Variants in LPP observed in about 807,000 individuals in gnomAD.
The protein encoded by LPP is lipoma-preferred partner.
LPP carries 38 observed loss-of-function variants against 60.4 expected under a neutral mutation model. The observed-to-expected ratio is 0.63, with a 90% confidence interval of 0.49 to 0.83. LPP has a LOEUF of 0.83. Among genes scored for constraint, LPP ranks in the 40% least tolerant of loss-of-function variants. The probability of loss-of-function intolerance (pLI) is 0.00; values close to 1 mark genes in which losing one functional copy is unlikely to be tolerated. For missense variants in LPP, 902 were observed against 783.6 expected (o/e 1.15, Z -1.80); for synonymous variants, 328 against 290.8 (o/e 1.13, Z -1.30).
At chr3:188,463,032 G>C (rs1799518481) in intron 4 of LPP, among the ~76,000 whole-genome samples, 1 of 152,120 alleles carries the variant, frequency 6.6e-6, no homozygotes, top group South Asian at 2.1e-4. Flanking sequence ...CTTGAACCAG[G>C]AGGCAGAGGC....
intron 2 of LPP, among the ~76,000 whole-genome samples, chr3:188,333,034 G>A (rs549453648): frequency 1.4e-4 from 21 of 152,048 alleles, no homozygotes; most frequent in East Asian, 1.9e-4. Flanking sequence ...CTTCTGGGGC[G>A]TCATTATTAC....
chr3:188,393,363 C>T (rs1780154302), intron 3 of LPP, among the ~76,000 whole-genome samples: 1 of 152,090 alleles, frequency 6.6e-6, no homozygotes, highest in Non-Finnish European at 1.5e-5. Context: ...GCCCCCAAAG[C>T]CTCCTCTACT....
At chr3:188,537,038 C>T (rs1465810962) in intron 6 of LPP, among the ~76,000 whole-genome samples, 1 of 152,212 alleles carries the variant, frequency 6.6e-6, no homozygotes, top group African/African-American at 2.4e-5. Flanking sequence ...AGCCAGGAAA[C>T]AATTTTTATA....
At chr3:188,630,923 G>A (rs148688801) in intron 7 of LPP, among the ~76,000 whole-genome samples, 14 of 152,166 alleles carry the variant, frequency 9.2e-5, no homozygotes, top group Admixed American at 2.6e-4. Flanking sequence ...TAACATGAAC[G>A]GAAAACCAAA....
chr3:188,211,814 T>C (rs1426690921), intron 1 of LPP, among the ~76,000 whole-genome samples: 1 of 147,938 alleles, frequency 6.8e-6, no homozygotes, highest in Non-Finnish European at 1.5e-5. Flanking sequence ...CGTGAGAGAC[T>C]TGGGGCTGTT....
At chr3:188,244,174 A>G (rs1577512309) in intron 2 of LPP, among the ~76,000 whole-genome samples, 2 of 152,350 alleles carry the variant, frequency 1.3e-5, no homozygotes, top group Admixed American at 6.5e-5. Context: ...CCCAGCGCAC[A>G]TACAATTGTA....
chr3:188,296,006 A>C (rs1006457006), intron 2 of LPP, among the ~76,000 whole-genome samples: 2 of 152,210 alleles, frequency 1.3e-5, no homozygotes, highest in Non-Finnish European at 2.9e-5. Context: ...CAGAGGCAGC[A>C]AGGTGTGCCT....
chr3:188,325,928 A>G (rs1363709066), intron 2 of LPP, among the ~76,000 whole-genome samples: 1 of 152,186 alleles, frequency 6.6e-6, no homozygotes, highest in Non-Finnish European at 1.5e-5. Context: ...GAATAGATCT[A>G]CATGACAAGA....
intron 2 of LPP, among the ~76,000 whole-genome samples, chr3:188,335,245 G>T (rs1761322950): frequency 6.6e-6 from 1 of 152,182 alleles, no homozygotes; most frequent in African/African-American, 2.4e-5. Context: ...ATATCATGAA[G>T]GAATGTTGAA....
intron 8 of LPP, among the ~76,000 whole-genome samples, chr3:188,753,819 G>A (rs1577352508): frequency 6.6e-6 from 1 of 151,904 alleles, no homozygotes; most frequent in African/African-American, 2.4e-5. Context: ...AAAAACAAGA[G>A]AGAGGGAAAC....
At chr3:188,404,724 A>G (rs1054468456) in intron 3 of LPP, among the ~76,000 whole-genome samples, 1 of 152,090 alleles carries the variant, frequency 6.6e-6, no homozygotes, top group African/African-American at 2.4e-5. Context: ...CTGTGTTCTG[A>G]TGCTCTTTGT....
intron 6 of LPP, among the ~76,000 whole-genome samples, chr3:188,581,439 T>G (rs1836077632): frequency 6.6e-6 from 1 of 152,204 alleles, no homozygotes; most frequent in African/African-American, 2.4e-5. Context: ...CTCTCTTGCA[T>G]TCTTAACTTG....
rs1306898170 is a variant in LPP, at chr3:188,785,456, CAT to C, written c.1410+25185_1410+25186del. Among the ~76,000 whole-genome samples, 5 of 34,364 alleles carry C rather than the reference CAT, an allele frequency of 1.5e-4. 1 individual carries two copies. The highest frequency in any genetic ancestry group is 2.3e-4 in the Non-Finnish European group (5 of 21,690). 22.5% of individuals were successfully genotyped at this position (34,364 alleles called of 152,430 possible). ...ATTCCATCATATATATATATTCCAT[CAT>C]ATATATATATTCCATCATATATATA... On this transcript the variant is annotated intron_variant, in intron 9 of 11. Transcript: ENST00000617246.
chr3:188,168,098 A>T (rs1194406710), intron 1 of LPP, among the ~76,000 whole-genome samples: 1 of 152,208 alleles, frequency 6.6e-6, no homozygotes, highest in Non-Finnish European at 1.5e-5. Flanking sequence ...AGCTGCTTAA[A>T]TTTATTTATT....
chr3:188,861,375 G>C (rs1765159778), intron 9 of LPP, among the ~76,000 whole-genome samples: 1 of 152,074 alleles, frequency 6.6e-6, no homozygotes, highest in Admixed American at 6.6e-5. Flanking sequence ...CCTAAAAAAG[G>C]TAAAGATGAA....
At chr3:188,562,639 C>A (rs1357613597) in intron 6 of LPP, among the ~76,000 whole-genome samples, 1 of 151,928 alleles carries the variant, frequency 6.6e-6, no homozygotes, top group African/African-American at 2.4e-5. Context: ...ATGTAACGTG[C>A]GGCACTTCTG....
At chr3:188,828,125 C>CA (rs1577829992) in intron 9 of LPP, among the ~76,000 whole-genome samples, 2 of 151,926 alleles carry the variant, frequency 1.3e-5, no homozygotes, top group African/African-American at 2.4e-5. Context: ...AGAAAACAGA[C>CA]AAAAAAATAA....
chr3:188,496,519 C>T (rs1810274568), intron 5 of LPP, among the ~76,000 whole-genome samples: 1 of 152,166 alleles, frequency 6.6e-6, no homozygotes, highest in Non-Finnish European at 1.5e-5. Flanking sequence ...GGAGGATTCT[C>T]CATCTTGTAT....
intron 6 of LPP, among the ~76,000 whole-genome samples, chr3:188,565,324 A>G (rs1445775249): frequency 1.3e-5 from 2 of 152,032 alleles, no homozygotes; most frequent in African/African-American, 4.8e-5. Flanking sequence ...AAGGCAAACC[A>G]AATATCTGAG....
Sources: allele counts gnomAD v4.1 joint callset (sites outside exome capture counted in the v4.1 genomes callset), GRCh38; gene constraint gnomAD v4.1.1; transcripts MANE v1.5; gene names NCBI Gene and HGNC (gene_info 2026-07-23, HGNC 2026-07-21).